Variants in STARD13 observed in about 807,000 individuals in gnomAD.
STARD13 encodes stAR-related lipid transfer protein 13.
Under a neutral mutation model 106.4 loss-of-function variants are expected in STARD13, and 62 were observed. The ratio of observed to expected loss-of-function variants is 0.58; its 90% CI spans 0.48 to 0.72. STARD13 has a LOEUF of 0.72. Among genes scored for constraint, STARD13 ranks in the 30% least tolerant of loss-of-function variants. The probability of loss-of-function intolerance (pLI) is 0.00; values close to 1 mark genes in which losing one functional copy is unlikely to be tolerated. For synonymous variants in STARD13, 565 were observed against 553.0 expected (o/e 1.02, Z -0.31); for missense variants, 1,387 against 1,424.0 (o/e 0.97, Z 0.42).
chr13:33,588,441 A>C, the STARD13 span, among the ~76,000 whole-genome samples: 1 of 152,202 alleles, frequency 6.6e-6, no homozygotes, highest in African/African-American at 2.4e-5. Flanking sequence ...AATAACTATA[A>C]TATAAACCTA....
intron 1 of STARD13, among the ~76,000 whole-genome samples, chr13:33,263,583 G>A (rs995454313): frequency 1.3e-5 from 2 of 152,198 alleles, no homozygotes; most frequent in Non-Finnish European, 1.5e-5. Flanking sequence ...GGGGTTTGTA[G>A]GGGCTTAAAT....
the STARD13 span, among the ~76,000 whole-genome samples, chr13:33,487,706 C>T: frequency 0.04 from 6,152 of 152,218 alleles, 387 homozygotes; most frequent in African/African-American, 0.14. Flanking sequence ...CCTTAATACA[C>T]GAGATTTTTC....
At chr13:33,597,536 C>T in the STARD13 span, among the ~76,000 whole-genome samples, 2 of 151,938 alleles carry the variant, frequency 1.3e-5, no homozygotes, top group African/African-American at 2.4e-5. Flanking sequence ...GTAGTGGGTG[C>T]TGGTGAAATA....
chr13:33,327,425 A>C (rs2077788699), intron 1 of STARD13, among the ~76,000 whole-genome samples: 1 of 152,204 alleles, frequency 6.6e-6, no homozygotes, highest in Admixed American at 6.5e-5. Flanking sequence ...GCTGGAGTGC[A>C]GTGGCACAAT....
the STARD13 span, among the ~76,000 whole-genome samples, chr13:33,398,525 C>T: frequency 6.6e-6 from 1 of 151,888 alleles, no homozygotes; most frequent in Non-Finnish European, 1.5e-5. Context: ...AAAGCCAAGC[C>T]CCCGAGTGGA....
the STARD13 span, among the ~76,000 whole-genome samples, chr13:33,385,084 C>T: frequency 6.8e-6 from 1 of 146,952 alleles, no homozygotes; most frequent in East Asian, 2.0e-4. Context: ...AGTTTCAACA[C>T]ACCTTGGAAA....
the STARD13 span, among the ~76,000 whole-genome samples, chr13:33,380,461 A>C: frequency 3.2e-4 from 44 of 136,204 alleles, no homozygotes; most frequent in African/African-American, 7.8e-4. Flanking sequence ...CGTCACACAC[A>C]CACACCCCCA....
chr13:33,259,660 C>T lies in STARD13; in HGVS notation c.169+25810G>A, dbSNP rs550210039. 2.8e-3 allele frequency among the ~76,000 whole-genome samples: 419 copies of T among 152,252 alleles called. 4 individuals are homozygous for T. Among genetic ancestry groups the T allele is most frequent in the African/African-American group, 9.0e-3 (374 of 41,558 alleles). ...TATGGTTCAGTTGGGCCTAGGAAAT[C>T]GCCAAAAAGTGACAATACGCTTGCT... On this transcript the variant is annotated intron_variant, in intron 1 of 13. Transcript: ENST00000336934.
chr13:33,532,978 G>T, the STARD13 span, among the ~76,000 whole-genome samples: 1 of 152,284 alleles, frequency 6.6e-6, no homozygotes, highest in East Asian at 1.9e-4. Context: ...GACCCCAACA[G>T]AAAGAACCCA....
At chr13:33,117,438 G>A (rs529456456) in intron 8 of STARD13, 15 of 230,186 alleles carry the variant, frequency 6.5e-5, no homozygotes, top group Non-Finnish European at 1.1e-4. Context: ...TACCCCCATT[G>A]CAACCACTTA....
the STARD13 span, among the ~76,000 whole-genome samples, chr13:33,648,786 T>C: frequency 7.2e-6 from 1 of 138,638 alleles, no homozygotes; most frequent in African/African-American, 2.8e-5. Context: ...TCTCTTTCTT[T>C]TTTTTTTTTT....
intron 1 of STARD13, among the ~76,000 whole-genome samples, chr13:33,244,911 C>T (rs1199719714): frequency 6.6e-6 from 1 of 152,170 alleles, no homozygotes; most frequent in Admixed American, 6.5e-5. Context: ...AATTTGAATT[C>T]GGTTGTCATG....
At chr13:33,359,783 G>A in the STARD13 span, among the ~76,000 whole-genome samples, 1 of 152,140 alleles carries the variant, frequency 6.6e-6, no homozygotes, top group Non-Finnish European at 1.5e-5. Flanking sequence ...TTCCCCACTA[G>A]TTTGTAGAAA....
At chr13:33,433,339 C>G in the STARD13 span, among the ~76,000 whole-genome samples, 5 of 152,308 alleles carry the variant, frequency 3.3e-5, no homozygotes, top group East Asian at 7.7e-4. Context: ...CCAGGAACTG[C>G]TTTGTCTTTA....
the STARD13 span, chr13:33,611,287 C>T: frequency 6.6e-6 from 1 of 152,222 alleles, no homozygotes; most frequent in Middle Eastern, 3.2e-3. Flanking sequence ...GCTCCCTCTC[C>T]CCCAGAATCA....
At chr13:33,428,369 A>G in the STARD13 span, among the ~76,000 whole-genome samples, 6 of 152,220 alleles carry the variant, frequency 3.9e-5, no homozygotes, top group Non-Finnish European at 5.9e-5. Flanking sequence ...AGGAAACAGC[A>G]GAGCAAAAAG....
chr13:33,439,910 T>C, the STARD13 span, among the ~76,000 whole-genome samples: 2 of 152,168 alleles, frequency 1.3e-5, no homozygotes, highest in African/African-American at 4.8e-5. Flanking sequence ...TCAGGAATCA[T>C]AAAAGTCATC....
the STARD13 span, among the ~76,000 whole-genome samples, chr13:33,627,955 TC>T: frequency 6.7e-6 from 1 of 148,738 alleles, no homozygotes; most frequent in African/African-American, 2.6e-5. Flanking sequence ...TTAGGCTATT[TC>T]TTTTTTTTCT....
chr13:33,494,809 A>T, the STARD13 span, among the ~76,000 whole-genome samples: 1 of 152,114 alleles, frequency 6.6e-6, no homozygotes, highest in African/African-American at 2.4e-5. Flanking sequence ...ATTATATGAT[A>T]CACTCTATAG....
Sources: allele counts gnomAD v4.1 joint callset (sites outside exome capture counted in the v4.1 genomes callset), GRCh38; gene constraint gnomAD v4.1.1; transcripts MANE v1.5; gene names NCBI Gene and HGNC (gene_info 2026-07-23, HGNC 2026-07-21).